The following RAPGEF6 variants were observed in gnomAD, a reference collection of about 807,000 sequenced individuals.
RAPGEF6 encodes PDZ domain containing guanine nucleotide exchange factor (GEF) 2.
A neutral mutation model predicts 171.4 loss-of-function variants in RAPGEF6; 56 were observed. The ratio of observed to expected loss-of-function variants is 0.33; its 90% CI spans 0.26 to 0.41. The LOEUF is 0.41. Among genes scored for constraint, RAPGEF6 ranks in the 10% least tolerant of loss-of-function variants. The pLI, the probability that RAPGEF6 is intolerant of heterozygous loss-of-function variation, is 1.00. For missense variants in RAPGEF6, 1,674 were observed against 1,921.4 expected (o/e 0.87, Z 2.41); for synonymous variants, 692 against 650.1 (o/e 1.06, Z -0.98).
intron 4 of RAPGEF6, among the ~76,000 whole-genome samples, chr5:131,572,788 C>T (rs1048358085): frequency 2.0e-5 from 3 of 152,142 alleles, no homozygotes; most frequent in Non-Finnish European, 4.4e-5. Context: ...AACCTAAAAC[C>T]CCTTCAACTA....
intron 4 of RAPGEF6, among the ~76,000 whole-genome samples, chr5:131,582,261 T>C (rs1763011595): frequency 6.6e-6 from 1 of 152,060 alleles, no homozygotes; most frequent in African/African-American, 2.4e-5. Flanking sequence ...GAAAAATAAG[T>C]GAAACAAAAA....
At chr5:131,455,164 A>G (rs906073501) in intron 20 of RAPGEF6, among the ~76,000 whole-genome samples, 2 of 152,254 alleles carry the variant, frequency 1.3e-5, no homozygotes, top group African/African-American at 4.8e-5. Context: ...AAAAGTAAAT[A>G]TACAGGCAAG....
rs1580818440 is a variant in RAPGEF6 at position 131,434,763 on chromosome 5, G to A, written c.3746-1105C>T. 3.3e-5 allele frequency among the ~76,000 whole-genome samples: 5 copies of A among 152,222 alleles called. No homozygotes were observed. In the South Asian group the frequency reaches 1.0e-3, roughly 32 times the overall value. ...ATTCTAGGGACGCACTGAGGTGAAG[G>A]ACCCAAAAACAAATCTGCAACAGAA... On this transcript the variant is annotated intron_variant, in intron 24 of 27. Coordinates refer to ENST00000509018, the MANE Select transcript of RAPGEF6 (RefSeq NM_016340.6).
chr5:131,607,375 C>G (rs1390770771), intron 1 of RAPGEF6, among the ~76,000 whole-genome samples: 1 of 152,184 alleles, frequency 6.6e-6, no homozygotes, highest in Non-Finnish European at 1.5e-5. Context: ...AATTCTAGCC[C>G]TAATCACAGC....
At chr5:131,552,485 C>T (rs1007073194) in intron 5 of RAPGEF6, among the ~76,000 whole-genome samples, 1 of 145,234 alleles carries the variant, frequency 6.9e-6, no homozygotes, top group Admixed American at 6.9e-5. Flanking sequence ...TTTGAGATGG[C>T]GTTTTTCTTG....
chr5:131,486,726 A>ATT (rs5871425), intron 15 of RAPGEF6, among the ~76,000 whole-genome samples: 3,841 of 127,190 alleles, frequency 0.03, 111 homozygotes, highest in South Asian at 0.058. Flanking sequence ...CAAGGGATAA[A>ATT]TTTTTTTTTT....
chr5:131,633,693 T>C (rs1012025353), intron 1 of RAPGEF6, among the ~76,000 whole-genome samples: 1 of 152,146 alleles, frequency 6.6e-6, no homozygotes, highest in Non-Finnish European at 1.5e-5. Flanking sequence ...ATCGCGCCAT[T>C]GCACTCCAGC....
chr5:131,521,307 T>C (rs564779014), intron 7 of RAPGEF6, 83 bp downstream of exon 7: 7 of 1,351,194 alleles, frequency 5.2e-6, no homozygotes, highest in South Asian at 1.6e-5. Flanking sequence ...CTAAAAGATA[T>C]GTTAACCATC....
rs573489855 is a variant in RAPGEF6 at position 131,594,334 on chromosome 5, A to G, written c.198-1868T>C. ...AGCCTCAAGCCTTGGCGGCTTCCAC[A>G]TGGTGTTGGGCCTGCGGGTACGCAG... On this transcript the variant is annotated intron_variant, in intron 3 of 27. Transcript: ENST00000509018. Among the ~76,000 whole-genome samples, 30 of 152,372 alleles carry G rather than the reference A, an allele frequency of 2.0e-4. No homozygotes were observed. In the South Asian group the frequency reaches 6.2e-3, roughly 32 times the overall value.
At chr5:131,466,024 T>C (rs1580868253) in intron 17 of RAPGEF6, among the ~76,000 whole-genome samples, 1 of 144,270 alleles carries the variant, frequency 6.9e-6, no homozygotes, top group East Asian at 2.0e-4. Flanking sequence ...AAGGGAGAAA[T>C]GGAACAGATA....
At chr5:131,592,120 T>G (rs925093327) in intron 4 of RAPGEF6, among the ~76,000 whole-genome samples, 1 of 152,168 alleles carries the variant, frequency 6.6e-6, no homozygotes, top group Non-Finnish European at 1.5e-5. Context: ...TCTCCCAAAG[T>G]GCTGGGATTA....
intron 6 of RAPGEF6, among the ~76,000 whole-genome samples, chr5:131,525,699 A>G (rs1037876734): frequency 6.6e-6 from 1 of 152,118 alleles, no homozygotes; most frequent in South Asian, 2.1e-4. Context: ...AAGTAGTTGG[A>G]AAGGCAAACA....
chr5:131,558,500 T>C (rs1761385295), intron 5 of RAPGEF6, among the ~76,000 whole-genome samples: 1 of 152,156 alleles, frequency 6.6e-6, no homozygotes, highest in Admixed American at 6.5e-5. Flanking sequence ...TTTATATTGA[T>C]CTTTACTATT....
At chr5:131,589,939 G>T (rs73788711) in intron 4 of RAPGEF6, among the ~76,000 whole-genome samples, 4,034 of 152,236 alleles carry the variant, frequency 0.026, 188 homozygotes, top group African/African-American at 0.092. Flanking sequence ...TATTTATTGG[G>T]CTGCAACTAA....
intron 1 of RAPGEF6, among the ~76,000 whole-genome samples, chr5:131,610,974 C>A (rs1764900945): frequency 2.0e-5 from 3 of 152,186 alleles, no homozygotes; most frequent in Admixed American, 2.0e-4. Context: ...TGGGGCCCAG[C>A]TTCCCATGCG....
chr5:131,609,885 A>C (rs926584072), intron 1 of RAPGEF6, among the ~76,000 whole-genome samples: 3 of 152,216 alleles, frequency 2.0e-5, no homozygotes, highest in Non-Finnish European at 2.9e-5. Context: ...CCACAGGACT[A>C]GAATCCCACA....
chr5:131,561,471 A>G (rs1454053398), intron 5 of RAPGEF6, among the ~76,000 whole-genome samples: 3 of 152,110 alleles, frequency 2.0e-5, no homozygotes, highest in African/African-American at 7.2e-5. Context: ...CAGCCTGGCC[A>G]ACATGGTGAA....
intron 15 of RAPGEF6, among the ~76,000 whole-genome samples, chr5:131,486,667 C>T (rs1755910446): frequency 1.3e-5 from 2 of 150,042 alleles, no homozygotes; most frequent in Non-Finnish European, 3.0e-5. Flanking sequence ...AGAGTTACTT[C>T]TTTCTCAATG....
intron 21 of RAPGEF6, among the ~76,000 whole-genome samples, chr5:131,451,081 C>T (rs1249863997): frequency 6.6e-6 from 1 of 152,114 alleles, no homozygotes; most frequent in African/African-American, 2.4e-5. Context: ...AACAAAAAAC[C>T]AAACAAACCC....
Sources: allele counts gnomAD v4.1 joint callset (sites outside exome capture counted in the v4.1 genomes callset), GRCh38; gene constraint gnomAD v4.1.1; transcripts MANE v1.5; gene names NCBI Gene and HGNC (gene_info 2026-07-23, HGNC 2026-07-21).